The following USP24 variants were observed in gnomAD, a reference collection of about 807,000 sequenced individuals.
USP24 encodes the protein ubiquitin specific peptidase 24, also known as ubiquitin carboxyl-terminal hydrolase 24.
Under a neutral mutation model 361.6 loss-of-function variants are expected in USP24, and 97 were observed. The observed-to-expected ratio is 0.27, with a 90% CI of 0.23 to 0.32. The LOEUF is 0.32. USP24 is among the 10% of genes least tolerant of loss of function. The probability of loss-of-function intolerance (pLI) is 1.00; values close to 1 mark genes in which losing one functional copy is unlikely to be tolerated. For synonymous variants in USP24, 1,098 were observed against 1,124.6 expected (o/e 0.98, Z 0.47); for missense variants, 2,353 against 3,165.6 (o/e 0.74, Z 6.16).
At chr1:55,153,593 T>A (rs1647321346) in intron 16 of USP24, among the ~76,000 whole-genome samples, 1 of 152,176 alleles carries the variant, frequency 6.6e-6, no homozygotes, top group Non-Finnish European at 1.5e-5. Context: ...GATTTAATTT[T>A]AAAAAGAAAA....
intron 3 of USP24, among the ~76,000 whole-genome samples, chr1:55,173,379 T>A (rs1649641698): frequency 6.6e-6 from 1 of 152,230 alleles, no homozygotes; most frequent in Non-Finnish European, 1.5e-5. Flanking sequence ...ACAAATCTTA[T>A]AATTAGATAC....
intron 12 of USP24, 108 bp from the exon 13 acceptor site, chr1:55,154,886 T>A (rs774008331): frequency 6.9e-5 from 51 of 740,722 alleles, no homozygotes; most frequent in Non-Finnish European, 1.1e-4. Flanking sequence ...CAAAGACAAA[T>A]TGACTCTAGT....
At chr1:55,151,003 A>G (rs534473554) in intron 16 of USP24, among the ~76,000 whole-genome samples, 80 of 152,254 alleles carry the variant, frequency 5.3e-4, no homozygotes, top group South Asian at 1.7e-3. Flanking sequence ...TTTTTATACA[A>G]TGACTGACTT....
chr1:55,087,919 G>A (rs1298708121), intron 55 of USP24, among the ~76,000 whole-genome samples: 1 of 152,240 alleles, frequency 6.6e-6, no homozygotes, highest in Admixed American at 6.5e-5. Flanking sequence ...AGGAATAACA[G>A]GTGCAAGGAC....
rs1038416665 is a variant in USP24 at position 55,119,439 on chromosome 1, C to T, written c.4508+1157G>A. Among the ~76,000 whole-genome samples the T allele has an allele frequency of 2.0e-5, 3 of 151,950 alleles. No individual in the cohort carries two copies. The East Asian group carries it at 5.8e-4, about 29-fold the overall frequency. ...GGAGGGGGAACAGGGAGTTATTGTT[C>T]AATGAGTAGAGTTTCAGTTTAGGAT... On this transcript the variant is annotated intron_variant, in intron 38 of 67. Transcript: ENST00000294383.
chr1:55,132,759 C>G lies in USP24; in HGVS notation c.3382-59G>C, dbSNP rs576310133. ...CTTAAAAGGACAAATTAAAGAGAAA[C>G]AGATCTTAGTACACGTCCTAATATT... On this transcript the variant is annotated intron_variant, in intron 30 of 67. Transcript: ENST00000294383. 5.3e-6 allele frequency: 8 copies of G among 1,511,596 alleles called. No individual in the cohort carries two copies. In the South Asian group the frequency reaches 9.9e-5, roughly 19 times the overall value. The allele number at this position is 1,511,596 out of a possible 1,614,324, so 93.6% of individuals were successfully genotyped here.
intron 45 of USP24, 30 bp from the exon 46 acceptor site, chr1:55,098,588 T>C (rs1171307411): frequency 2.0e-6 from 3 of 1,481,558 alleles, no homozygotes; most frequent in Admixed American, 3.5e-5. Flanking sequence ...CAGTTTTAAG[T>C]GATGCCTCCT....
At chr1:55,080,161 T>C (rs942330370) in intron 59 of USP24, among the ~76,000 whole-genome samples, 3 of 152,192 alleles carry the variant, frequency 2.0e-5, no homozygotes, top group Admixed American at 6.5e-5. Flanking sequence ...TCAACCCATA[T>C]AGAAGGAGTT....
intron 2 of USP24, 58 bp downstream of exon 2, chr1:55,177,909 A>G: frequency 6.7e-7 from 1 of 1,482,692 alleles, no homozygotes; most frequent in Non-Finnish European, 9.1e-7. Flanking sequence ...GGCTAAGATT[A>G]AACTCAGGCC....
In USP24 at chr1:55,166,972, T is replaced by G. The variant is rs190456572; in HGVS notation, c.826-369A>C. On this transcript the variant is annotated intron_variant, in intron 5 of 67. Transcript: ENST00000294383. ...TAAGAAGCAGTAAATCAGCAGAGAT[T>G]AAAAGTTTTAGTCCCAGTTAGATCA... is the stretch of plus-strand genomic sequence containing the variant. 2.0e-5 allele frequency among the ~76,000 whole-genome samples: 3 copies of G among 152,296 alleles called. No individual in the cohort carries two copies. In the East Asian group the frequency reaches 5.8e-4, roughly 29 times the overall value.
chr1:55,116,660 A>G (rs1646125123), intron 38 of USP24, among the ~76,000 whole-genome samples: 1 of 151,844 alleles, frequency 6.6e-6, no homozygotes, highest in Non-Finnish European at 1.5e-5. Context: ...GAGATTCAGC[A>G]AAGAGACTGA....
chr1:55,172,090 G>C (rs1288950673), intron 4 of USP24, among the ~76,000 whole-genome samples: 2 of 152,102 alleles, frequency 1.3e-5, no homozygotes, highest in Non-Finnish European at 2.9e-5. Context: ...CCATCTACAT[G>C]AACACTCCAT....
chr1:55,199,294 A>C (rs910400691), intron 1 of USP24, among the ~76,000 whole-genome samples: 3 of 152,120 alleles, frequency 2.0e-5, no homozygotes, highest in African/African-American at 7.2e-5. Context: ...GTTTCCAAAA[A>C]ACAAAAAAAC....
rs185049764 is a variant in USP24, at chr1:55,179,858, C to T, written c.325-1726G>A. Among the ~76,000 whole-genome samples the T allele has an allele frequency of 4.5e-4, 68 of 152,034 alleles. 1 individual carries two copies. The highest frequency in any genetic ancestry group is 1.5e-3 in the African/African-American group (63 of 41,274). ...GTTTATGCCTAGATTACTTCACCAGCTCCCTAACTGGGCTCCATCTGCCTC... is the reference window on the plus strand; with the variant it reads ...GTTTATGCCTAGATTACTTCACCAGTTCCCTAACTGGGCTCCATCTGCCTC... On this transcript the variant is annotated intron_variant, in intron 1 of 67. Transcript: ENST00000294383.
chr1:55,073,678 T>C lies in USP24; in HGVS notation c.7526+150A>G, dbSNP rs1644964950. The C allele has an allele frequency of 5.7e-6, 4 of 703,530 alleles. No individual in the cohort carries two copies. In the South Asian group the frequency reaches 6.8e-5, roughly 12 times the overall value. 43.6% of individuals were successfully genotyped at this position (703,530 alleles called of 1,614,324 possible). On this transcript the variant is annotated intron_variant, in intron 64 of 67. Transcript: ENST00000294383. The stretch of plus-strand genomic sequence containing the variant: ...TTCCCCTCATATTTTTTTGAGATCA[T>C]GCAAATAGGTTTCTGTACCTTCCAA...
Position 55,078,668 on chromosome 1 carries a change from A to C in USP24, c.7201-17T>G, listed in dbSNP as rs1022619944. ...AAACATTACCTGGTGGGAAGACATA[A>C]CACAGTCAGCTATTCTCATGTCACA... is the stretch of plus-strand genomic sequence containing the variant. On this transcript the variant is annotated splice_polypyrimidine_tract_variant and intron_variant, in intron 60 of 67. Coordinates refer to ENST00000294383, the MANE Select transcript of USP24 (RefSeq NM_015306.3). 1.5e-5 allele frequency: 24 copies of C among 1,585,820 alleles called. No individual in the cohort carries two copies. The highest frequency in any genetic ancestry group is 2.1e-5 in the Non-Finnish European group (24 of 1,168,462).
chr1:55,213,421 C>T (rs1464112215), intron 1 of USP24, among the ~76,000 whole-genome samples: 1 of 152,158 alleles, frequency 6.6e-6, no homozygotes, highest in Non-Finnish European at 1.5e-5. Context: ...TTTTTAAGTG[C>T]CACCTTCTTG....
chr1:55,125,865 C>A, intron 32 of USP24, 107 bp from the exon 33 acceptor site: 1 of 914,682 alleles, frequency 1.1e-6, no homozygotes, highest in Non-Finnish European at 1.6e-6. Flanking sequence ...TTAGTTTCTA[C>A]ATGATTCTGT....
chr1:55,154,469 G>A lies in USP24; in HGVS notation c.1555-3C>T, dbSNP rs1265825790. Reference sequence around the variant, plus strand: ...CTATCACTCTCAGTCTCCCAGCTCTGTAGAACGGAAAAGACACAGGAATTG... The same window carrying A: ...CTATCACTCTCAGTCTCCCAGCTCTATAGAACGGAAAAGACACAGGAATTG... On this transcript the variant is annotated splice_polypyrimidine_tract_variant and splice_region_variant and intron_variant, in intron 13 of 67. Coordinates refer to ENST00000294383, the MANE Select transcript of USP24 (RefSeq NM_015306.3). 3 of 1,550,728 alleles carry A rather than the reference G, an allele frequency of 1.9e-6. No individual in the cohort carries two copies. The South Asian group carries it at 3.6e-5, about 18-fold the overall frequency.
Sources: allele counts gnomAD v4.1 joint callset (sites outside exome capture counted in the v4.1 genomes callset), GRCh38; gene constraint gnomAD v4.1.1; transcripts MANE v1.5; gene names NCBI Gene and HGNC (gene_info 2026-07-23, HGNC 2026-07-21).